Variants in RAD51B observed in about 807,000 individuals in gnomAD.
The protein encoded by RAD51B is DNA repair protein RAD51 homolog 2.
In RAD51B, 38 loss-of-function variants were observed where a neutral mutation model predicts 42.2. That is an observed-to-expected ratio of 0.90 (90% CI 0.70 to 1.18). The LOEUF (loss-of-function observed/expected upper bound fraction) is 1.18, where lower values mean the gene tolerates loss of function less well. RAD51B is among the 50% of genes most tolerant of loss of function. The probability of loss-of-function intolerance (pLI) is 0.00; values close to 1 mark genes in which losing one functional copy is unlikely to be tolerated. For missense variants in RAD51B, 373 were observed against 400.7 expected (o/e 0.93, Z 0.59); for synonymous variants, 154 against 145.2 (o/e 1.06, Z -0.43).
In RAD51B at chr14:68,243,506, T is replaced by G. The variant is rs142850533; in HGVS notation, c.757-48378T>G. 1.4e-3 allele frequency among the ~76,000 whole-genome samples: 211 copies of G among 152,350 alleles called. 7 individuals are homozygous for G. In the East Asian group the frequency reaches 0.028, roughly 20 times the overall value. ...TTCCGAGACCTAGACCTTGCTGATT[T>G]TTTTGATCCAGGCTTTTCCTTCCTT... On this transcript the variant is annotated intron_variant, in intron 7 of 10. Coordinates refer to ENST00000471583, the MANE Select transcript of RAD51B (RefSeq NM_133510.4).
At chr14:67,993,879 A>G (rs1260693411) in intron 7 of RAD51B, among the ~76,000 whole-genome samples, 2 of 152,200 alleles carry the variant, frequency 1.3e-5, no homozygotes, top group Non-Finnish European at 2.9e-5. Context: ...AAAGACAAGT[A>G]TAAAAGAAAC....
intron 7 of RAD51B, among the ~76,000 whole-genome samples, chr14:67,923,936 G>A (rs2044417090): frequency 6.6e-6 from 1 of 152,156 alleles, no homozygotes; most frequent in South Asian, 2.1e-4. Flanking sequence ...GAGTAAGGTG[G>A]TATCACATTG....
At chr14:68,596,809 G>A (rs920204811), downstream of RAD51B, among the ~76,000 whole-genome samples, 3 of 152,230 alleles carry the variant, frequency 2.0e-5, no homozygotes, top group African/African-American at 7.2e-5. Flanking sequence ...CACTGCGAAT[G>A]TTCCAGCTGT....
intron 9 of RAD51B, among the ~76,000 whole-genome samples, chr14:68,457,202 C>T (rs1307139567): frequency 6.6e-6 from 1 of 151,920 alleles, no homozygotes; most frequent in Admixed American, 6.6e-5. Flanking sequence ...TGTGAGCCAA[C>T]ACGCCCAGCC....
At chr14:68,579,180 T>C (rs1232512800) in intron 10 of RAD51B, among the ~76,000 whole-genome samples, 1 of 152,230 alleles carries the variant, frequency 6.6e-6, no homozygotes, top group African/African-American at 2.4e-5. Flanking sequence ...AAGTCACTTC[T>C]GCTTCTAGGG....
intron 10 of RAD51B, among the ~76,000 whole-genome samples, chr14:68,623,470 T>C (rs1191058401): frequency 6.6e-6 from 1 of 152,224 alleles, no homozygotes; most frequent in Non-Finnish European, 1.5e-5. Flanking sequence ...CACAGGCTGT[T>C]CACTGCAAAA....
At chr14:68,525,169 A>G (rs1566925901) in intron 10 of RAD51B, among the ~76,000 whole-genome samples, 1 of 152,236 alleles carries the variant, frequency 6.6e-6, no homozygotes, top group Non-Finnish European at 1.5e-5. Context: ...TCAATGGGCC[A>G]TTATCAGCTT....
chr14:68,128,910 A>G (rs539707268), intron 7 of RAD51B, among the ~76,000 whole-genome samples: 1 of 152,326 alleles, frequency 6.6e-6, no homozygotes, highest in Admixed American at 6.5e-5. Context: ...AATTTCCTAG[A>G]GATGAGAAGG....
At chr14:68,558,096 G>A (rs888461224) in intron 10 of RAD51B, among the ~76,000 whole-genome samples, 4 of 152,200 alleles carry the variant, frequency 2.6e-5, no homozygotes, top group Non-Finnish European at 5.9e-5. Context: ...TCCTCTCTCA[G>A]TCCCCATTTC....
chr14:67,928,226 G>A (rs2044596509), intron 7 of RAD51B, among the ~76,000 whole-genome samples: 1 of 152,102 alleles, frequency 6.6e-6, no homozygotes. Context: ...TTGTTGGATT[G>A]TATTGATATG....
chr14:68,153,226 A>G (rs2078428325), intron 7 of RAD51B, among the ~76,000 whole-genome samples: 1 of 152,204 alleles, frequency 6.6e-6, no homozygotes, highest in African/African-American at 2.4e-5. Context: ...TTAAATATAC[A>G]TTAGTTATAA....
intron 7 of RAD51B, among the ~76,000 whole-genome samples, chr14:68,182,414 A>C (rs2079074807): frequency 6.6e-6 from 1 of 152,264 alleles, no homozygotes; most frequent in African/African-American, 2.4e-5. Flanking sequence ...GCTTGAACAG[A>C]GAATATGTGA....
intron 10 of RAD51B, among the ~76,000 whole-genome samples, chr14:68,607,071 C>T (rs973974272): frequency 1.3e-5 from 2 of 152,136 alleles, no homozygotes; most frequent in African/African-American, 4.8e-5. Context: ...TAATTTAAGT[C>T]CAGCCTCACA....
chr14:68,413,553 A>T (rs1478122196), intron 9 of RAD51B, among the ~76,000 whole-genome samples: 1 of 152,258 alleles, frequency 6.6e-6, no homozygotes, highest in Non-Finnish European at 1.5e-5. Context: ...ACATTTAATT[A>T]ATCTATAGAA....
At chr14:68,425,964 CTTTCTTTCTTT>C (rs1566876440) in intron 9 of RAD51B, among the ~76,000 whole-genome samples, 1 of 114,968 alleles carries the variant, frequency 8.7e-6, no homozygotes, top group East Asian at 2.3e-4. Flanking sequence ...TTCTTTCTTT[CTTTCTTTCTTT>C]CTTCCTTCCT....
intron 7 of RAD51B, among the ~76,000 whole-genome samples, chr14:68,044,561 T>C (rs2076268601): frequency 6.6e-6 from 1 of 152,218 alleles, no homozygotes; most frequent in South Asian, 2.1e-4. Flanking sequence ...TAGATTTTGG[T>C]CAACTTTCTA....
At chr14:67,928,561 C>T (rs541704981) in intron 7 of RAD51B, among the ~76,000 whole-genome samples, 7 of 152,060 alleles carry the variant, frequency 4.6e-5, no homozygotes, top group African/African-American at 1.7e-4. Context: ...TATGAAAATG[C>T]GGGTCACCAT....
At chr14:68,371,454 G>A (rs1378516245) in intron 8 of RAD51B, among the ~76,000 whole-genome samples, 1 of 152,138 alleles carries the variant, frequency 6.6e-6, no homozygotes, top group Non-Finnish European at 1.5e-5. Context: ...GGAGGCGGAG[G>A]TTGCAGTGAG....
rs58039012 is a variant in RAD51B, at chr14:68,511,877, AATTC to A, written c.1036+43653_1036+43656del. On this transcript the variant is annotated intron_variant, in intron 10 of 10. Transcript: ENST00000487270. ...TGTTCCCCTTTTGGGTTGATATTGT[AATTC>A]ATTCATTCATTCATTCATTCATTCA... is the stretch of plus-strand genomic sequence containing the variant. Among the ~76,000 whole-genome samples, 13 of 152,144 alleles carry A rather than the reference AATTC, an allele frequency of 8.5e-5. 1 individual carries two copies. Among genetic ancestry groups the A allele is most frequent in the East Asian group, 3.9e-4 (2 of 5,186 alleles).
Sources: allele counts gnomAD v4.1 joint callset (sites outside exome capture counted in the v4.1 genomes callset), GRCh38; gene constraint gnomAD v4.1.1; transcripts MANE v1.5; gene names NCBI Gene and HGNC (gene_info 2026-07-23, HGNC 2026-07-21).